SLAIN2: variants seen among roughly 807,000 people sequenced by gnomAD.
SLAIN2 encodes SLAIN motif-containing protein 2.
SLAIN2 carries 31 observed loss-of-function variants against 56.6 expected under a neutral mutation model. The observed-to-expected ratio is 0.55, with a 90% confidence interval of 0.41 to 0.74. The LOEUF is 0.74. Ranked by LOEUF, SLAIN2 falls within the 30% of genes least tolerant of loss-of-function variation. SLAIN2 has a pLI of 0.00. For missense variants in SLAIN2, 777 were observed against 754.2 expected (o/e 1.03, Z -0.35); for synonymous variants, 317 against 284.9 (o/e 1.11, Z -1.13).
chr4:48,411,416 T>C (rs1716844103), intron 6 of SLAIN2, among the ~76,000 whole-genome samples: 1 of 152,214 alleles, frequency 6.6e-6, no homozygotes, highest in Non-Finnish European at 1.5e-5. Flanking sequence ...GCTCTTACAC[T>C]TAGGTCTGTG....
At chr4:48,378,250 A>G (rs554252644) in intron 3 of SLAIN2, among the ~76,000 whole-genome samples, 190 bp downstream of exon 3, 1 of 152,348 alleles carries the variant, frequency 6.6e-6, no homozygotes, top group East Asian at 1.9e-4. Flanking sequence ...AACATAAGCC[A>G]GTGTGCTAAA....
chr4:48,341,549 T>C lies in SLAIN2; in HGVS notation c.-191T>C, dbSNP rs942480574. The C allele has an allele frequency of 5.1e-6, 4 of 780,028 alleles. No individual in the cohort carries two copies. The African/African-American group carries it at 7.3e-5, about 14-fold the overall frequency. The allele number at this position is 780,028 out of a possible 1,614,324, so 48.3% of individuals were successfully genotyped here. A position where few individuals can be genotyped will look rare whatever the true frequency, so the allele number is the denominator to read the frequency against. On this transcript the variant is annotated 5_prime_UTR_variant, in exon 1 of 8. An upstream start codon of the reference 5' UTR is lost. Coordinates refer to ENST00000264313, the MANE Select transcript of SLAIN2 (RefSeq NM_020846.2). ...CCCCCAATCCCGGAGCCGGCGCAGA[T>C]GAGGCAGTTCGGCTGGGGCCAGCGG...
At chr4:48,397,158 G>A (rs1469213926) in intron 6 of SLAIN2, among the ~76,000 whole-genome samples, 2 of 152,048 alleles carry the variant, frequency 1.3e-5, no homozygotes, top group African/African-American at 2.4e-5. Flanking sequence ...CCAAGCCAGC[G>A]GGAAAAAATG....
At chr4:48,367,076 A>AC (rs1715540915) in intron 1 of SLAIN2, among the ~76,000 whole-genome samples, 4 of 152,344 alleles carry the variant, frequency 2.6e-5, no homozygotes, top group Non-Finnish European at 4.4e-5. Context: ...ATTTGTAATG[A>AC]GAGTTTACTT....
chr4:48,353,812 G>A (rs1317471893), intron 1 of SLAIN2, among the ~76,000 whole-genome samples: 3 of 152,198 alleles, frequency 2.0e-5, no homozygotes. Flanking sequence ...TATTGTAACA[G>A]TCCGTACTTG....
intron 2 of SLAIN2, among the ~76,000 whole-genome samples, chr4:48,370,947 A>T (rs1229039079): frequency 1.3e-5 from 2 of 152,152 alleles, no homozygotes; most frequent in East Asian, 1.9e-4. Flanking sequence ...GGCATACATA[A>T]AATGAAGTTT....
chr4:48,353,159 A>G (rs1715056868), intron 1 of SLAIN2, among the ~76,000 whole-genome samples: 1 of 152,092 alleles, frequency 6.6e-6, no homozygotes, highest in Non-Finnish European at 1.5e-5. Flanking sequence ...GTGAAAACCA[A>G]CTAATACTGT....
chr4:48,360,621 T>C (rs751296103), intron 1 of SLAIN2, among the ~76,000 whole-genome samples: 10 of 152,038 alleles, frequency 6.6e-5, no homozygotes, highest in Non-Finnish European at 1.2e-4. Context: ...CATAAATAGA[T>C]AAGAAATAAA....
At chr4:48,352,140 A>G (rs1379150270) in intron 1 of SLAIN2, among the ~76,000 whole-genome samples, 1 of 152,074 alleles carries the variant, frequency 6.6e-6, no homozygotes, top group Non-Finnish European at 1.5e-5. Flanking sequence ...CATTTTGGAG[A>G]GGTTAGTGTG....
At chr4:48,406,041 C>G (rs1298877202) in intron 6 of SLAIN2, among the ~76,000 whole-genome samples, 1 of 152,108 alleles carries the variant, frequency 6.6e-6, no homozygotes, top group East Asian at 1.9e-4. Context: ...AAGTTGGATT[C>G]CAAGTCTTTT....
At chr4:48,356,899 CTGCT>C (rs1715169561) in intron 1 of SLAIN2, among the ~76,000 whole-genome samples, 1 of 152,096 alleles carries the variant, frequency 6.6e-6, no homozygotes, top group South Asian at 2.1e-4. Context: ...TCAGTTTACT[CTGCT>C]TGCTTTGCAC....
At position 48,368,051 on chromosome 4, in the gene SLAIN2, C is replaced by CTTTTTTTTTTTTTTTTTTTTTTTT. The variant is rs36096623; in HGVS notation, c.390-1785_390-1784insTTTTTTTTTTTTTTTTTTTTTTTT. ...TTCACTGAACGTAGTGTTTTTGAGG[C>CTTTTTTTTTTTTTTTTTTTTTTTT]TTTTTTTTTTTTTGACAGTGTTGCT... On this transcript the variant is annotated intron_variant, in intron 1 of 7. Coordinates refer to ENST00000264313, the MANE Select transcript of SLAIN2 (RefSeq NM_020846.2). Among the ~76,000 whole-genome samples the CTTTTTTTTTTTTTTTTTTTTTTTT allele has an allele frequency of 5.4e-4, 48 of 88,810 alleles. 7 individuals are homozygous for CTTTTTTTTTTTTTTTTTTTTTTTT. Among genetic ancestry groups the CTTTTTTTTTTTTTTTTTTTTTTTT allele is most frequent in the South Asian group, 1.2e-3 (3 of 2,538 alleles). 58.3% of individuals were successfully genotyped at this position (88,810 alleles called of 152,430 possible).
intron 6 of SLAIN2, among the ~76,000 whole-genome samples, chr4:48,409,497 T>G (rs1320699927): frequency 6.6e-6 from 1 of 152,238 alleles, no homozygotes; most frequent in Non-Finnish European, 1.5e-5. Flanking sequence ...TCCTTTTTAT[T>G]GCCAAATATT....
chr4:48,394,492 G>A, intron 6 of SLAIN2: 1 of 1,028,062 alleles, frequency 9.7e-7, no homozygotes, highest in Non-Finnish European at 1.4e-6. Context: ...TTTTAAGTTT[G>A]TATTAAAACA....
At chr4:48,376,306 T>A (rs1331902886) in intron 2 of SLAIN2, among the ~76,000 whole-genome samples, 1 of 151,898 alleles carries the variant, frequency 6.6e-6, no homozygotes, top group Non-Finnish European at 1.5e-5. Context: ...ATACAAAAAA[T>A]TAGCCAGGCG....
At chr4:48,388,272 C>T (rs956857944) in intron 6 of SLAIN2, among the ~76,000 whole-genome samples, 4 of 152,070 alleles carry the variant, frequency 2.6e-5, no homozygotes, top group Admixed American at 2.6e-4. Flanking sequence ...CAGAGCATTG[C>T]AGAGGTCATG....
At chr4:48,342,238 T>C in intron 1 of SLAIN2, 110 bp downstream of exon 1, 1 of 1,262,774 alleles carries the variant, frequency 7.9e-7, no homozygotes, top group South Asian at 2.3e-5. Context: ...CCGGGTCCGC[T>C]CTCCTGTGGC....
rs533277747 is a variant in SLAIN2 at position 48,410,858 on chromosome 4, C to T, written c.1361-9267C>T. ...AATACCCTCACATCTTCATTCGGGG[C>T]TTAGTGGTCCAAAATGTGCAGTTGC... On this transcript the variant is annotated intron_variant, in intron 6 of 7. Transcript: ENST00000264313. Among the ~76,000 whole-genome samples the T allele has an allele frequency of 5.9e-5, 9 of 152,272 alleles. No individual in the cohort carries two copies. In the South Asian group the frequency reaches 1.5e-3, roughly 25 times the overall value.
intron 1 of SLAIN2, among the ~76,000 whole-genome samples, chr4:48,355,675 C>G (rs565394629): frequency 1.2e-4 from 18 of 152,094 alleles, no homozygotes; most frequent in Non-Finnish European, 2.4e-4. Context: ...ACCTCCTACT[C>G]TGGCATGTAA....
Sources: allele counts gnomAD v4.1 joint callset (sites outside exome capture counted in the v4.1 genomes callset), GRCh38; gene constraint gnomAD v4.1.1; transcripts MANE v1.5; gene names NCBI Gene and HGNC (gene_info 2026-07-23, HGNC 2026-07-21).